The following GREB1L variants were observed in gnomAD, a reference collection of about 807,000 sequenced individuals.
GREB1L encodes the protein GREB1-like protein.
GREB1L carries 17 observed loss-of-function variants against 200.8 expected under a neutral mutation model. The ratio of observed to expected loss-of-function variants is 0.08; its 90% CI spans 0.06 to 0.13. The LOEUF (loss-of-function observed/expected upper bound fraction) is 0.13, where lower values mean the gene tolerates loss of function less well. Among genes scored for constraint, GREB1L ranks in the 10% least tolerant of loss-of-function variants. GREB1L has a pLI of 1.00. For synonymous variants in GREB1L, 789 were observed against 893.0 expected, an observed-to-expected ratio of 0.88 and a Z score of 2.08; for missense variants, 1,657 against 2,367.7, an observed-to-expected ratio of 0.70 and a Z score of 6.23.
intron 25 of GREB1L, among the ~76,000 whole-genome samples, chr18:21,506,423 C>G (rs1001935060): frequency 1.3e-5 from 2 of 151,316 alleles, no homozygotes; most frequent in Non-Finnish European, 2.9e-5. Flanking sequence ...ATGCATGAAG[C>G]CATAATTAAA....
intron 7 of GREB1L, among the ~76,000 whole-genome samples, chr18:21,428,632 T>TC (rs1190832637): frequency 1.5e-5 from 2 of 129,088 alleles, no homozygotes; most frequent in South Asian, 4.9e-4. Flanking sequence ...TAGCATATAG[T>TC]CCCTTTTTTT....
chr18:21,253,592 A>C (rs1367602268), intron 1 of GREB1L, among the ~76,000 whole-genome samples: 1 of 152,184 alleles, frequency 6.6e-6, no homozygotes, highest in Admixed American at 6.5e-5. Context: ...CGAATATACC[A>C]CATTTAGAGA....
At chr18:21,427,947 T>C (rs1346084725) in intron 7 of GREB1L, among the ~76,000 whole-genome samples, 3 of 151,856 alleles carry the variant, frequency 2.0e-5, no homozygotes, top group African/African-American at 7.3e-5. Flanking sequence ...TCCCAGCACT[T>C]TGGGAGGCGG....
rs2037680707 is a variant in GREB1L at position 21,525,991 on chromosome 18, C to T, written c.*3170C>T. Among the ~76,000 whole-genome samples the T allele has an allele frequency of 6.6e-6, 1 of 152,170 alleles. No homozygotes were observed. The highest frequency in any genetic ancestry group is 2.4e-5 in the African/African-American group (1 of 41,442). ...TAAAGACTACTGGTGTTCCACTATA[C>T]ATTCCAAAGCAGCTGCCTTGAAAAG... is the stretch of plus-strand genomic sequence containing the variant. On this transcript the variant is annotated 3_prime_UTR_variant, in exon 33 of 33. Coordinates refer to ENST00000424526, the MANE Select transcript of GREB1L (RefSeq NM_001142966.3).
intron 7 of GREB1L, among the ~76,000 whole-genome samples, chr18:21,430,905 T>A (rs1357234431): frequency 2.0e-5 from 3 of 151,650 alleles, no homozygotes; most frequent in Admixed American, 2.0e-4. Flanking sequence ...CTCTTTTTTT[T>A]AATATAGGCA....
At chr18:21,448,959 A>G (rs1185095851) in intron 11 of GREB1L, among the ~76,000 whole-genome samples, 3 of 152,198 alleles carry the variant, frequency 2.0e-5, no homozygotes, top group Non-Finnish European at 4.4e-5. Context: ...ATCTGGGAAA[A>G]ATGTGAGGCT....
At chr18:21,515,969 T>A (rs536934668) in intron 29 of GREB1L, among the ~76,000 whole-genome samples, 4 of 152,080 alleles carry the variant, frequency 2.6e-5, no homozygotes, top group Admixed American at 2.6e-4. Flanking sequence ...TCCTTCACCC[T>A]CCAGACTCAG....
At position 21,523,542 on chromosome 18, in the gene GREB1L, AAAT is replaced by A. The variant is rs1568084796; in HGVS notation, c.*722_*724del. The A allele has an allele frequency of 6.6e-6, 1 of 152,214 alleles. No individual in the cohort carries two copies. Among genetic ancestry groups the A allele is most frequent in the Admixed American group, 6.5e-5 (1 of 15,276 alleles). 9.4% of individuals were successfully genotyped at this position (152,214 alleles called of 1,614,324 possible). A position where few individuals can be genotyped will look rare whatever the true frequency, so the allele number is the denominator to read the frequency against. ...AATTCCTTTGCTTTACCCACTCTTTAAATGTGTTTCCAGTCTTTAAGAATATCT... is the reference window on the plus strand; with the variant it reads ...AATTCCTTTGCTTTACCCACTCTTTAGTGTTTCCAGTCTTTAAGAATATCT... On this transcript the variant is annotated 3_prime_UTR_variant, in exon 33 of 33. Coordinates refer to ENST00000424526, the MANE Select transcript of GREB1L (RefSeq NM_001142966.3).
intron 23 of GREB1L, among the ~76,000 whole-genome samples, chr18:21,501,909 T>C (rs531933403): frequency 6.6e-6 from 1 of 152,302 alleles, no homozygotes; most frequent in East Asian, 1.9e-4. Flanking sequence ...ACTCCAGCTG[T>C]CTTCCCCAGC....
intron 1 of GREB1L, among the ~76,000 whole-genome samples, chr18:21,344,826 T>C (rs929866138): frequency 2.0e-5 from 3 of 152,198 alleles, no homozygotes; most frequent in Admixed American, 6.5e-5. Flanking sequence ...TGCTGGCCAG[T>C]GTTCCTACTC....
chr18:21,441,368 C>G, intron 9 of GREB1L, 32 bp from the exon 10 acceptor site: 1 of 1,504,352 alleles, frequency 6.6e-7, no homozygotes, highest in East Asian at 2.5e-5. Context: ...AGTTTTCACG[C>G]CATCTTTCTT....
chr18:21,478,290 T>G (rs1301614324), intron 17 of GREB1L, among the ~76,000 whole-genome samples: 2 of 152,210 alleles, frequency 1.3e-5, no homozygotes, highest in Non-Finnish European at 2.9e-5. Context: ...TTTACTCCAA[T>G]CTCTAATATT....
intron 23 of GREB1L, among the ~76,000 whole-genome samples, chr18:21,501,066 CAAAAA>C (rs11295281): frequency 4.6e-5 from 4 of 87,070 alleles, no homozygotes; most frequent in African/African-American, 1.5e-4. Flanking sequence ...GACTTTGTCT[CAAAAA>C]AAAAAAAAAA....
chr18:21,404,882 C>T (rs187587196), intron 7 of GREB1L, among the ~76,000 whole-genome samples: 3 of 152,268 alleles, frequency 2.0e-5, no homozygotes, highest in African/African-American at 7.2e-5. Context: ...TGTACTTTGC[C>T]AGTGTTAATC....
chr18:21,315,595 A>G (rs2038855268), intron 1 of GREB1L, among the ~76,000 whole-genome samples: 1 of 152,232 alleles, frequency 6.6e-6, no homozygotes, highest in African/African-American at 2.4e-5. Flanking sequence ...GTATTTACAT[A>G]AAAATATGTA....
chr18:21,508,600 C>G lies in GREB1L; in HGVS notation c.4735+9C>G. ...CAATAATGCAGGCGTGGGTAAGGGG[C>G]CCCCCTGGGATGGGGAGAAGGGCTT... On this transcript the variant is annotated intron_variant, in intron 27 of 32. Transcript: ENST00000424526. 6.4e-7 allele frequency: 1 copy of G among 1,550,530 alleles called. No homozygotes were observed. Among genetic ancestry groups the G allele is most frequent in the Non-Finnish European group, 8.7e-7 (1 of 1,146,432 alleles).
At chr18:21,329,126 C>A (rs761067771) in intron 1 of GREB1L, among the ~76,000 whole-genome samples, 3 of 151,978 alleles carry the variant, frequency 2.0e-5, no homozygotes, top group East Asian at 1.9e-4. Context: ...GAGTTTGAGA[C>A]CAGCCTGGCC....
intron 7 of GREB1L, among the ~76,000 whole-genome samples, chr18:21,425,692 GA>G (rs1161228041): frequency 6.6e-6 from 1 of 152,150 alleles, no homozygotes; most frequent in Non-Finnish European, 1.5e-5. Flanking sequence ...TATTTTCCTT[GA>G]AGAAGTATCT....
chr18:21,361,288 T>G (rs1163473198), intron 1 of GREB1L, among the ~76,000 whole-genome samples: 3 of 152,266 alleles, frequency 2.0e-5, no homozygotes, highest in Admixed American at 6.5e-5. Flanking sequence ...ATCTGAAATT[T>G]AAGCTGGTAT....
Sources: allele counts gnomAD v4.1 joint callset (sites outside exome capture counted in the v4.1 genomes callset), GRCh38; gene constraint gnomAD v4.1.1; transcripts MANE v1.5; gene names NCBI Gene and HGNC (gene_info 2026-07-23, HGNC 2026-07-21).